The following CACNA1C variants were observed in gnomAD, a reference collection of about 807,000 sequenced individuals.
CACNA1C encodes the protein calcium voltage-gated channel subunit alpha1 C.
CACNA1C carries 30 observed loss-of-function variants against 229.0 expected under a neutral mutation model. That is an observed-to-expected ratio of 0.13 (90% confidence interval 0.10 to 0.18). CACNA1C has a LOEUF of 0.18. Among genes scored for constraint, CACNA1C ranks in the 10% least tolerant of loss-of-function variants. CACNA1C has a pLI of 1.00. For synonymous variants in CACNA1C, 1,114 were observed against 1,132.5 expected (o/e 0.98, Z 0.33); for missense variants, 1,658 against 2,845.0 (o/e 0.58, Z 9.49).
chr12:2,104,445 G>C (rs1048421098), intron 1 of CACNA1C, among the ~76,000 whole-genome samples: 1 of 152,302 alleles, frequency 6.6e-6, no homozygotes, highest in African/African-American at 2.4e-5. Context: ...TGCTGAAGTT[G>C]CTTATCAGCT....
intron 26 of CACNA1C, 150 bp downstream of exon 26, chr12:2,607,280 G>T: frequency 1.4e-6 from 1 of 719,928 alleles, no homozygotes; most frequent in Non-Finnish European, 2.2e-6. Context: ...TGTATTTCTA[G>T]AACTTACAGT....
At chr12:2,536,718 A>G (rs1164868980) in intron 9 of CACNA1C, among the ~76,000 whole-genome samples, 2 of 151,880 alleles carry the variant, frequency 1.3e-5, no homozygotes, top group African/African-American at 4.8e-5. Context: ...GGTCCCAGCT[A>G]CTCTCAAGGT....
chr12:2,209,115 C>T (rs1002781519), intron 3 of CACNA1C, among the ~76,000 whole-genome samples: 1 of 152,190 alleles, frequency 6.6e-6, no homozygotes, highest in Non-Finnish European at 1.5e-5. Context: ...TAGCTATCAC[C>T]CCCCTGGTTC....
intron 3 of CACNA1C, among the ~76,000 whole-genome samples, chr12:2,137,386 C>T (rs2093645533): frequency 6.6e-6 from 1 of 151,198 alleles, no homozygotes; most frequent in South Asian, 2.1e-4. Context: ...AAATGCTCCG[C>T]CCAGCTCTAC....
rs2098797255 is a variant in CACNA1C at position 2,410,704 on chromosome 12, G to A, written c.478-38272G>A. Among the ~76,000 whole-genome samples the A allele has an allele frequency of 6.8e-6, 1 of 146,210 alleles. No individual in the cohort carries two copies. The highest frequency in any genetic ancestry group is 1.5e-5 in the Non-Finnish European group (1 of 67,004). ...AGCTGTGAGGATGGCTCGCCTGTGT[G>A]TGTGTGTGTGCGTGCACGCATGTGT... On this transcript the variant is annotated intron_variant, in intron 3 of 46. Transcript: ENST00000399655. The surrounding 1 kb of genome is among the most constrained non-coding windows in gnomAD (Gnocchi z 5.3).
intron 3 of CACNA1C, among the ~76,000 whole-genome samples, chr12:2,358,861 T>C (rs1013213341): frequency 2.0e-5 from 3 of 151,832 alleles, no homozygotes; most frequent in African/African-American, 7.3e-5. Flanking sequence ...CCCCCGAGAC[T>C]GGGAAGGCAG....
chr12:2,581,463 C>T (rs767379138), intron 13 of CACNA1C, 127 bp from the exon 14 acceptor site: 17 of 816,504 alleles, frequency 2.1e-5, no homozygotes, highest in Non-Finnish European at 2.8e-5. Context: ...GCATCCCCCA[C>T]GGGCAGGGAA....
intron 29 of CACNA1C, among the ~76,000 whole-genome samples, chr12:2,622,381 G>T (rs1568868014): frequency 6.6e-6 from 1 of 152,096 alleles, no homozygotes; most frequent in East Asian, 1.9e-4. Flanking sequence ...ATCTGATCTG[G>T]GGTCTTCAGT....
At position 2,630,622 on chromosome 12, in the gene CACNA1C, C is replaced by T. The variant is rs888284622; in HGVS notation, c.3829-3675C>T. Among the ~76,000 whole-genome samples the T allele has an allele frequency of 2.1e-4, 32 of 152,094 alleles. No homozygotes were observed. Among genetic ancestry groups the T allele is most frequent in the Admixed American group, 1.7e-3 (26 of 15,272 alleles). On this transcript the variant is annotated intron_variant, in intron 29 of 46. Coordinates refer to ENST00000399655, the MANE Select transcript of CACNA1C (RefSeq NM_000719.7). This position sits in a 1 kb window ranked among gnomAD's most constrained non-coding sequence, Gnocchi z 5.4. The stretch of plus-strand genomic sequence containing the variant: ...GGGGCTCTGGGCACCAAAGGCAGGA[C>T]GGTGGGAGGATGGGTCAGGGTGAAG...
Position 2,402,920 on chromosome 12 carries a change from C to T in CACNA1C, c.478-46056C>T, listed in dbSNP as rs1299375511. 2.0e-5 allele frequency among the ~76,000 whole-genome samples: 3 copies of T among 152,254 alleles called. 1 individual carries two copies. Among genetic ancestry groups the T allele is most frequent in the Non-Finnish European group, 4.4e-5 (3 of 68,020 alleles). On this transcript the variant is annotated intron_variant, in intron 3 of 46. Transcript: ENST00000399655. The stretch of plus-strand genomic sequence containing the variant: ...AATAATAGGTCCATTAATTTTTTTC[C>T]TACCTATTTGACCCTCTGCTATGAG...
rs1388682029 is a variant in CACNA1C at position 2,346,439 on chromosome 12, C to T, written c.478-102537C>T. Among the ~76,000 whole-genome samples the T allele has an allele frequency of 1.3e-5, 2 of 152,188 alleles. No homozygotes were observed. The highest frequency in any genetic ancestry group is 1.9e-4 in the East Asian group (1 of 5,192). On this transcript the variant is annotated intron_variant, in intron 3 of 46. Transcript: ENST00000399655. The surrounding 1 kb of genome is among the most constrained non-coding windows in gnomAD (Gnocchi z 4.4). ...CTTCCCCAGGCTTGGGACAAGCTCA[C>T]ATTCCACAGGTCCTAGAGGAAATGT...
intron 3 of CACNA1C, among the ~76,000 whole-genome samples, chr12:2,261,474 G>C (rs893988083): frequency 1.3e-5 from 2 of 152,182 alleles, no homozygotes; most frequent in African/African-American, 2.4e-5. Context: ...ATTTGTGAGA[G>C]CATTACAGTG....
chr12:2,441,252 C>T (rs923377693), intron 3 of CACNA1C, among the ~76,000 whole-genome samples: 2 of 152,124 alleles, frequency 1.3e-5, no homozygotes, highest in African/African-American at 2.4e-5. Context: ...GGGTCTGTCA[C>T]CTAGTGGATG....
intron 21 of CACNA1C, among the ~76,000 whole-genome samples, chr12:2,600,966 A>G (rs1229217320): frequency 6.6e-6 from 1 of 152,114 alleles, no homozygotes; most frequent in African/African-American, 2.4e-5. Context: ...CATTTTTCCA[A>G]TGAGGAAACA....
At chr12:2,511,838 C>T (rs1020810928) in intron 8 of CACNA1C, among the ~76,000 whole-genome samples, 1 of 152,068 alleles carries the variant, frequency 6.6e-6, no homozygotes, top group Admixed American at 6.6e-5. Context: ...AGAAATTTTT[C>T]AATAGGCCAT....
intron 3 of CACNA1C, among the ~76,000 whole-genome samples, chr12:2,396,168 G>A (rs925754654): frequency 2.0e-5 from 3 of 152,092 alleles, no homozygotes; most frequent in South Asian, 2.1e-4. Context: ...GTCTTTTAGG[G>A]TGCTGGGTTA....
rs541770481 is a variant in CACNA1C, at chr12:2,237,093, G to A, written c.477+116663G>A. On this transcript the variant is annotated intron_variant, in intron 3 of 46. Coordinates refer to ENST00000399655, the MANE Select transcript of CACNA1C (RefSeq NM_000719.7). ...TGTATCTGCTTGCTTGTCGTGTGGGGCATATGCCAAGTCCAGTAGTGGATG... is the reference window on the plus strand; with the variant it reads ...TGTATCTGCTTGCTTGTCGTGTGGGACATATGCCAAGTCCAGTAGTGGATG... Among the ~76,000 whole-genome samples the A allele has an allele frequency of 2.6e-5, 4 of 152,322 alleles. No individual in the cohort carries two copies. In the South Asian group the frequency reaches 6.2e-4, roughly 24 times the overall value.
chr12:2,232,542 C>T (rs1382883477), intron 3 of CACNA1C, among the ~76,000 whole-genome samples: 3 of 152,054 alleles, frequency 2.0e-5, no homozygotes, highest in African/African-American at 4.8e-5. Context: ...TATAAAGCTG[C>T]TATTTCCCCA....
chr12:2,518,105 A>G (rs1308453698), intron 9 of CACNA1C, among the ~76,000 whole-genome samples: 2 of 152,216 alleles, frequency 1.3e-5, no homozygotes, highest in Non-Finnish European at 2.9e-5. Context: ...CCACTTTTGC[A>G]GTCATCACCA....
Sources: allele counts gnomAD v4.1 joint callset (sites outside exome capture counted in the v4.1 genomes callset), GRCh38; gene constraint gnomAD v4.1.1; non-coding constraint Gnocchi (gnomAD v3.1); transcripts MANE v1.5; gene names NCBI Gene and HGNC (gene_info 2026-07-23, HGNC 2026-07-21).